Variants in CUX2 observed in about 807,000 individuals in gnomAD.
The protein encoded by CUX2 is cut like homeobox 2.
In CUX2, 40 loss-of-function variants were observed where a neutral mutation model predicts 144.8. The observed-to-expected ratio is 0.28, with a 90% CI of 0.21 to 0.36. The LOEUF is 0.36. Ranked by LOEUF, CUX2 falls within the 10% of genes least tolerant of loss-of-function variation. The pLI is 1.00. For synonymous variants in CUX2, 827 were observed against 875.6 expected, an observed-to-expected ratio of 0.94 and a Z score of 0.98; for missense variants, 1,615 against 1,994.0, an observed-to-expected ratio of 0.81 and a Z score of 3.62.
At chr12:111,102,047 C>A (rs1030062629) in intron 1 of CUX2, among the ~76,000 whole-genome samples, 1 of 152,218 alleles carries the variant, frequency 6.6e-6, no homozygotes, top group African/African-American at 2.4e-5. Flanking sequence ...ACAATATCCT[C>A]TTTTTTTAAA....
chr12:111,141,973 A>G (rs1462912934), intron 1 of CUX2, among the ~76,000 whole-genome samples: 1 of 152,064 alleles, frequency 6.6e-6, no homozygotes, highest in African/African-American at 2.4e-5. Flanking sequence ...AATCCCAGCT[A>G]CTCAGGAGGC....
Position 111,057,410 on chromosome 12 carries a change from G to A in CUX2, c.63+23170G>A, listed in dbSNP as rs1405470360. Among the ~76,000 whole-genome samples the A allele has an allele frequency of 6.6e-6, 1 of 152,154 alleles. No homozygotes were observed. Among genetic ancestry groups the A allele is most frequent in the Non-Finnish European group, 1.5e-5 (1 of 68,018 alleles). ...GACAGGAAGTGGCCACTGGAGATCT[G>A]GCTTTGTCTGCCATGATGGAAGTGG... is the stretch of plus-strand genomic sequence containing the variant. On this transcript the variant is annotated intron_variant, in intron 1 of 21. Coordinates refer to ENST00000261726, the MANE Select transcript of CUX2 (RefSeq NM_015267.4). This position sits in a 1 kb window ranked among gnomAD's most constrained non-coding sequence, Gnocchi z 5.1.
intron 1 of CUX2, among the ~76,000 whole-genome samples, chr12:111,158,513 A>G (rs1479159348): frequency 6.8e-6 from 1 of 147,758 alleles, no homozygotes; most frequent in Non-Finnish European, 1.5e-5. Context: ...AGACACTTGG[A>G]GAAAGTATGC....
intron 1 of CUX2, among the ~76,000 whole-genome samples, chr12:111,150,963 A>G (rs1256976686): frequency 6.6e-6 from 1 of 152,212 alleles, no homozygotes; most frequent in Non-Finnish European, 1.5e-5. Flanking sequence ...GTACAGTTGC[A>G]TCTCAAACGT....
At chr12:111,314,411 C>T (rs1373267451) in intron 16 of CUX2, among the ~76,000 whole-genome samples, 2 of 152,038 alleles carry the variant, frequency 1.3e-5, no homozygotes, top group East Asian at 3.9e-4. Context: ...GAGGCCAAGG[C>T]GGGCAGATCA....
At chr12:111,117,565 A>G (rs1195721765) in intron 1 of CUX2, among the ~76,000 whole-genome samples, 3 of 152,214 alleles carry the variant, frequency 2.0e-5, no homozygotes, top group South Asian at 2.1e-4. Flanking sequence ...ATTTGACAAA[A>G]CAGCATGAAT....
rs534777768 is a variant in CUX2, at chr12:111,304,549, G to A, written c.858+235G>A. Among the ~76,000 whole-genome samples, 3 of 152,166 alleles carry A rather than the reference G, an allele frequency of 2.0e-5. No individual in the cohort carries two copies. The highest frequency in any genetic ancestry group is 4.8e-5 in the African/African-American group (2 of 41,438). ...ACAGTTCTTTACTTTTCAAGCCCACGTTTCCATATACCCTTTATTACCAGG... is the reference window on the plus strand; with the variant it reads ...ACAGTTCTTTACTTTTCAAGCCCACATTTCCATATACCCTTTATTACCAGG... On this transcript the variant is annotated intron_variant, in intron 10 of 21. Coordinates refer to ENST00000261726, the MANE Select transcript of CUX2 (RefSeq NM_015267.4). This position sits in a 1 kb window ranked among gnomAD's most constrained non-coding sequence, Gnocchi z 4.7.
chr12:111,136,177 A>G lies in CUX2; in HGVS notation c.64-78023A>G, dbSNP rs1387615871. The stretch of plus-strand genomic sequence containing the variant: ...GGGACCCCATGAGAAGGATGCAGGA[A>G]CATCGCGTGTTCCTGCACGTGATGA... On this transcript the variant is annotated intron_variant, in intron 1 of 21. Coordinates refer to ENST00000261726, the MANE Select transcript of CUX2 (RefSeq NM_015267.4). Among the ~76,000 whole-genome samples, 4 of 151,972 alleles carry G rather than the reference A, an allele frequency of 2.6e-5. No homozygotes were observed. In the East Asian group the frequency reaches 7.8e-4, roughly 30 times the overall value.
At chr12:111,036,992 C>T (rs1426368588) in intron 1 of CUX2, among the ~76,000 whole-genome samples, 1 of 150,620 alleles carries the variant, frequency 6.6e-6, no homozygotes, top group African/African-American at 2.4e-5. Flanking sequence ...CTCTCTTGTA[C>T]ATAATGCCAG....
chr12:111,301,211 A>G (rs1043705166), intron 9 of CUX2, among the ~76,000 whole-genome samples: 2 of 152,208 alleles, frequency 1.3e-5, no homozygotes, highest in African/African-American at 4.8e-5. Flanking sequence ...TATTTTAATG[A>G]GGATGCTGGG....
intron 1 of CUX2, among the ~76,000 whole-genome samples, chr12:111,157,445 T>C (rs1877467262): frequency 6.6e-6 from 1 of 151,920 alleles, no homozygotes; most frequent in African/African-American, 2.4e-5. Context: ...GGGGAAGTGC[T>C]AGGATCTGGT....
In CUX2 at chr12:111,307,043, G is replaced by A; in HGVS notation, c.981G>A (p.Leu327=). The change falls in exon 11 of 22, where the codon CTG becomes CTA. Residue 327 remains leucine (L), a synonymous_variant. Transcript: ENST00000261726. This position sits in a 1 kb window ranked among gnomAD's most constrained non-coding sequence, Gnocchi z 4.1. ...ACCTCCAGAGCTCACTGCAGGAGCT[G>A]GAGGAGGCATCCGCCAACCAGATCG... ...VQHLQSSLQE[L]EEASANQIAD... The A allele has an allele frequency of 1.9e-6, 3 of 1,613,834 alleles. No homozygotes were observed. Among genetic ancestry groups the A allele is most frequent in the Non-Finnish European group, 2.5e-6 (3 of 1,179,846 alleles).
At chr12:111,328,948 T>C (rs184571148) in intron 18 of CUX2, among the ~76,000 whole-genome samples, 152 of 91,364 alleles carry the variant, frequency 1.7e-3, no homozygotes, top group African/African-American at 0.011. Flanking sequence ...CCTATCTCTC[T>C]CTCTCTCTCT....
chr12:111,158,706 G>A (rs1003042630), intron 1 of CUX2, among the ~76,000 whole-genome samples: 13 of 151,994 alleles, frequency 8.6e-5, no homozygotes, highest in African/African-American at 3.1e-4. Flanking sequence ...GAAGGGAAAT[G>A]TTGTGAGATT....
chr12:111,194,729 C>T (rs1452499981), intron 1 of CUX2, among the ~76,000 whole-genome samples: 15 of 152,242 alleles, frequency 9.9e-5, no homozygotes, highest in Non-Finnish European at 1.5e-5. Context: ...CCCTGATGTA[C>T]CCGGTGCCCG....
chr12:111,302,677 A>C (rs1392467971), intron 9 of CUX2, among the ~76,000 whole-genome samples: 1 of 150,492 alleles, frequency 6.6e-6, no homozygotes, highest in Non-Finnish European at 1.5e-5. Flanking sequence ...AGGTGGGTGG[A>C]TTGCTTAAGC....
chr12:111,340,827 G>A (rs992660062), intron 20 of CUX2, among the ~76,000 whole-genome samples: 1 of 152,072 alleles, frequency 6.6e-6, no homozygotes, highest in Non-Finnish European at 1.5e-5. Context: ...TTTTCCACAA[G>A]TTACTTCCTC....
chr12:111,132,557 C>CTTTTTTTTTTTTTT (rs1182564665), intron 1 of CUX2, among the ~76,000 whole-genome samples: 1 of 97,170 alleles, frequency 1.0e-5, no homozygotes, highest in African/African-American at 4.9e-5. Flanking sequence ...GCTCTGTTTC[C>CTTTTTTTTTTTTTT]TTTTTTTTTT....
At chr12:111,040,679 AC>A (rs1418538465) in intron 1 of CUX2, among the ~76,000 whole-genome samples, 2 of 151,588 alleles carry the variant, frequency 1.3e-5, no homozygotes, top group African/African-American at 4.8e-5. Flanking sequence ...TGACCATAGA[AC>A]CCTCTCAGGG....
Sources: gnomAD v4.1 joint callset for allele counts (sites outside exome capture counted in the v4.1 genomes callset) on GRCh38, gnomAD v4.1.1 for gene constraint, Gnocchi (gnomAD v3.1) non-coding constraint, MANE v1.5 for transcripts, NCBI Gene and HGNC (gene_info 2026-07-23, HGNC 2026-07-21) for gene names.